Variants in KIAA1958 observed in about 807,000 individuals in gnomAD.
The protein encoded by KIAA1958 is uncharacterized protein KIAA1958.
A neutral mutation model predicts 47.2 loss-of-function variants in KIAA1958; 14 were observed. The observed-to-expected ratio is 0.30, with a 90% CI of 0.20 to 0.46. KIAA1958 has a LOEUF of 0.46. Among genes scored for constraint, KIAA1958 ranks in the 20% least tolerant of loss-of-function variants. KIAA1958 has a pLI of 1.00. For synonymous variants in KIAA1958, 354 were observed against 353.3 expected (o/e 1.00, Z -0.02); for missense variants, 803 against 909.2 (o/e 0.88, Z 1.50).
chr9:112,535,425 T>G (rs889952782), intron 1 of KIAA1958, among the ~76,000 whole-genome samples: 11 of 152,242 alleles, frequency 7.2e-5, no homozygotes, highest in African/African-American at 2.7e-4. Context: ...TTTCTTTTTT[T>G]TAAGGCTTAT....
At chr9:112,533,356 C>G (rs1165323074) in intron 1 of KIAA1958, among the ~76,000 whole-genome samples, 1 of 151,386 alleles carries the variant, frequency 6.6e-6, no homozygotes, top group Non-Finnish European at 1.5e-5. Context: ...GCAGGTGGAT[C>G]ATGAGGTCAG....
At chr9:112,508,458 G>A (rs1373292354) in intron 1 of KIAA1958, among the ~76,000 whole-genome samples, 1 of 152,208 alleles carries the variant, frequency 6.6e-6, no homozygotes, top group Non-Finnish European at 1.5e-5. Flanking sequence ...TTACAAATAA[G>A]CATATATTAA....
intron 1 of KIAA1958, among the ~76,000 whole-genome samples, chr9:112,545,091 T>C (rs1018271540): frequency 6.6e-6 from 1 of 152,194 alleles, no homozygotes; most frequent in Admixed American, 6.5e-5. Context: ...ACTGGTCATT[T>C]GTGAATTCAA....
chr9:112,527,465 C>G (rs1375173219), intron 1 of KIAA1958, among the ~76,000 whole-genome samples: 1 of 152,096 alleles, frequency 6.6e-6, no homozygotes, highest in African/African-American at 2.4e-5. Flanking sequence ...AAGAAGAAAG[C>G]AGGAATGTGA....
chr9:112,641,363 A>G (rs986098091), intron 2 of KIAA1958, among the ~76,000 whole-genome samples: 2 of 126,776 alleles, frequency 1.6e-5, no homozygotes, highest in African/African-American at 6.0e-5. Flanking sequence ...TTGGTGTTAT[A>G]GATGAGAAAT....
intron 1 of KIAA1958, among the ~76,000 whole-genome samples, chr9:112,495,592 A>G (rs1834039712): frequency 6.6e-6 from 1 of 152,240 alleles, no homozygotes; most frequent in Admixed American, 6.5e-5. Flanking sequence ...GGAAATGTAA[A>G]GTGGTACAGC....
At chr9:112,506,253 G>C (rs1043968771) in intron 1 of KIAA1958, among the ~76,000 whole-genome samples, 4 of 152,110 alleles carry the variant, frequency 2.6e-5, no homozygotes, top group Admixed American at 2.6e-4. Context: ...TCAGGAGATC[G>C]AGACCATTCT....
chr9:112,510,074 A>G (rs958854287), intron 1 of KIAA1958, among the ~76,000 whole-genome samples: 2 of 152,168 alleles, frequency 1.3e-5, no homozygotes, highest in Non-Finnish European at 2.9e-5. Flanking sequence ...TGCTCCTAAG[A>G]TCTTTGCACA....
At chr9:112,596,130 C>T (rs1361263579) in intron 2 of KIAA1958, among the ~76,000 whole-genome samples, 1 of 152,050 alleles carries the variant, frequency 6.6e-6, no homozygotes, top group Non-Finnish European at 1.5e-5. Context: ...AAGCTGGGAC[C>T]TCTAGGACAA....
At chr9:112,631,737 T>C (rs2131230288) in intron 2 of KIAA1958, among the ~76,000 whole-genome samples, 1 of 152,258 alleles carries the variant, frequency 6.6e-6, no homozygotes, top group Middle Eastern at 3.4e-3. Context: ...TTGGACTGCT[T>C]CCTTACAAAA....
chr9:112,540,614 A>G (rs1030051777), intron 1 of KIAA1958, among the ~76,000 whole-genome samples: 1 of 152,208 alleles, frequency 6.6e-6, no homozygotes, highest in African/African-American at 2.4e-5. Flanking sequence ...TAATAAGCAG[A>G]AAAATGCCTT....
In KIAA1958 at chr9:112,660,159, C is replaced by T; in HGVS notation, c.*90C>T. ...GAGCTCCTTGGAGGCAGGGGCTGAC[C>T]AGGTGTGACCTCCCGGTCTGGCGGC... On this transcript the variant is annotated 3_prime_UTR_variant, in exon 4 of 4. Transcript: ENST00000337530. The T allele has an allele frequency of 1.8e-6, 2 of 1,107,842 alleles. No individual in the cohort carries two copies. Among genetic ancestry groups the T allele is most frequent in the Non-Finnish European group, 2.6e-6 (2 of 762,476 alleles). 68.6% of individuals were successfully genotyped at this position (1,107,842 alleles called of 1,614,324 possible). A position where few individuals can be genotyped will look rare whatever the true frequency, so the allele number is the denominator to read the frequency against.
chr9:112,618,906 A>G lies in KIAA1958; in HGVS notation c.1172-26744A>G. The G allele has an allele frequency of 1.3e-6, 2 of 1,531,894 alleles. No individual in the cohort carries two copies. Among genetic ancestry groups the G allele is most frequent in the Non-Finnish European group, 1.8e-6 (2 of 1,133,690 alleles). The allele number at this position is 1,531,894 out of a possible 1,614,324, so 94.9% of individuals were successfully genotyped here. ...TCCGCCTCCTATGACTCTTCCTCAG[A>G]CACCGCTTGACCAGGTGGCTTGAGC... On this transcript the variant is annotated intron_variant, in intron 2 of 3. Coordinates refer to ENST00000337530, the MANE Select transcript of KIAA1958 (RefSeq NM_133465.4). The surrounding 1 kb of genome is among the most constrained non-coding windows in gnomAD (Gnocchi z 7.1).
At chr9:112,488,031 C>G (rs1403303037) in intron 1 of KIAA1958, among the ~76,000 whole-genome samples, 1 of 151,498 alleles carries the variant, frequency 6.6e-6, no homozygotes, top group East Asian at 1.9e-4. Flanking sequence ...ATTCGCAAGA[C>G]GGAATCCTCT....
chr9:112,635,492 T>G (rs1205943353), intron 2 of KIAA1958, among the ~76,000 whole-genome samples: 1 of 152,212 alleles, frequency 6.6e-6, no homozygotes, highest in Non-Finnish European at 1.5e-5. Flanking sequence ...GCTCAAGTTA[T>G]CCGCCTGCCT....
At chr9:112,554,159 A>G (rs1835201726) in intron 1 of KIAA1958, among the ~76,000 whole-genome samples, 1 of 152,142 alleles carries the variant, frequency 6.6e-6, no homozygotes, top group Admixed American at 6.6e-5. Context: ...GGTATGTAAA[A>G]AACCGTGAAT....
intron 1 of KIAA1958, among the ~76,000 whole-genome samples, chr9:112,540,669 T>C (rs1326963882): frequency 1.3e-5 from 2 of 152,066 alleles, no homozygotes; most frequent in Non-Finnish European, 2.9e-5. Context: ...CCTTTTGCTT[T>C]TGTTTAAGTT....
intron 1 of KIAA1958, among the ~76,000 whole-genome samples, chr9:112,552,704 G>T (rs544989199): frequency 6.6e-6 from 1 of 152,346 alleles, no homozygotes; most frequent in East Asian, 1.9e-4. Context: ...CAGTGCCTTA[G>T]TCAGATATTC....
At chr9:112,487,430 G>C (rs1393104575) in intron 1 of KIAA1958, among the ~76,000 whole-genome samples, 1 of 151,956 alleles carries the variant, frequency 6.6e-6, no homozygotes, top group Non-Finnish European at 1.5e-5. Context: ...TCTCAGCGGC[G>C]GCTGCAGGCG....
Sources: gnomAD v4.1 joint callset for allele counts (sites outside exome capture counted in the v4.1 genomes callset) on GRCh38, gnomAD v4.1.1 for gene constraint, Gnocchi (gnomAD v3.1) non-coding constraint, MANE v1.5 for transcripts, NCBI Gene and HGNC (gene_info 2026-07-23, HGNC 2026-07-21) for gene names.